The following PSPC1 variants were observed in gnomAD, a reference collection of about 807,000 sequenced individuals.
PSPC1 encodes the protein paraspeckle component 1.
A neutral mutation model predicts 51.6 loss-of-function variants in PSPC1; 14 were observed. The ratio of observed to expected loss-of-function variants is 0.27; its 90% confidence interval spans 0.18 to 0.42. PSPC1 has a LOEUF of 0.42. PSPC1 is among the 10% of genes least tolerant of loss of function. The pLI is 1.00. For missense variants in PSPC1, 406 were observed against 701.1 expected (o/e 0.58, Z 4.75); for synonymous variants, 193 against 231.9 (o/e 0.83, Z 1.53).
At chr13:19,751,913 C>A (rs1183862989) in intron 3 of PSPC1, among the ~76,000 whole-genome samples, 2 of 152,088 alleles carry the variant, frequency 1.3e-5, no homozygotes, top group Non-Finnish European at 2.9e-5. Flanking sequence ...AAAAAATTAG[C>A]CGGGCGTGGT....
chr13:19,757,226 G>A (rs1887176514), intron 3 of PSPC1, among the ~76,000 whole-genome samples: 1 of 151,900 alleles, frequency 6.6e-6, no homozygotes, highest in Admixed American at 6.6e-5. Flanking sequence ...TCTCACAACT[G>A]AGAAGGGTCC....
intron 8 of PSPC1, among the ~76,000 whole-genome samples, chr13:19,703,712 T>C (rs1880256180): frequency 6.6e-6 from 1 of 152,102 alleles, no homozygotes; most frequent in Non-Finnish European, 1.5e-5. Flanking sequence ...GAAACTACGC[T>C]ATGTAAGAAA....
intron 6 of PSPC1, among the ~76,000 whole-genome samples, chr13:19,724,778 C>T (rs1428205657): frequency 6.6e-6 from 1 of 152,110 alleles, no homozygotes; most frequent in Non-Finnish European, 1.5e-5. Context: ...GCGGGCGGAT[C>T]ACCTGAGGTC....
At chr13:19,707,722 TCTG>T (rs1386619249) in intron 7 of PSPC1, among the ~76,000 whole-genome samples, 7 of 152,212 alleles carry the variant, frequency 4.6e-5, no homozygotes, top group African/African-American at 1.7e-4. Context: ...TGATATTTCT[TCTG>T]ATAAAATTGC....
chr13:19,782,666 G>C lies in PSPC1; in HGVS notation c.92C>G (p.Pro31Arg). 6.4e-7 allele frequency: 1 copy of C among 1,552,462 alleles called. No individual in the cohort carries two copies. The highest frequency in any genetic ancestry group is 8.6e-7 in the Non-Finnish European group (1 of 1,159,508). The part of the protein sequence containing the change: ...ALESAVGESE[P>R]AAAAAMALAL... ...GAGCGCCATGGCTGCCGCGGCCGCC[G>C]GCTCGCTCTCGCCCACCGCGGACTC... Residue 31 changes from proline (P) to arginine (R), a missense_variant, in exon 1 of 9, where the codon CCG becomes CGG. Pro to Arg is a moderately radical substitution (Grantham distance 103). Around this residue, in one of 5 missense-constraint regions of PSPC1, gnomAD observed 128 missense variants for 107.1 expected, o/e 1.20. Coordinates refer to ENST00000338910, the MANE Select transcript of PSPC1 (RefSeq NM_001354909.2). This position sits in a 1 kb window ranked among gnomAD's most constrained non-coding sequence, Gnocchi z 4.5.
At chr13:19,686,087 C>T (rs1159856889) in intron 6 of PSPC1, among the ~76,000 whole-genome samples, 1 of 152,192 alleles carries the variant, frequency 6.6e-6, no homozygotes, top group African/African-American at 2.4e-5. Flanking sequence ...TTCTCGCTCT[C>T]CTCCACTCAA....
chr13:19,674,286 T>G (rs1188754716), downstream of PSPC1, among the ~76,000 whole-genome samples: 2 of 152,228 alleles, frequency 1.3e-5, no homozygotes, highest in African/African-American at 4.8e-5. Flanking sequence ...CTGATAATGT[T>G]GAATAACTAC....
At chr13:19,724,359 T>C (rs1190602511) in intron 6 of PSPC1, among the ~76,000 whole-genome samples, 1 of 152,182 alleles carries the variant, frequency 6.6e-6, no homozygotes, top group African/African-American at 2.4e-5. Flanking sequence ...TTTTCAGTTT[T>C]ACACGTGCCA....
intron 6 of PSPC1, among the ~76,000 whole-genome samples, chr13:19,718,082 AT>A (rs1387178397): frequency 6.6e-6 from 1 of 152,188 alleles, no homozygotes; most frequent in Admixed American, 6.5e-5. Flanking sequence ...AAGGAAAAAA[AT>A]ATACGTTTCT....
chr13:19,720,715 A>T (rs1882664333), intron 6 of PSPC1, among the ~76,000 whole-genome samples: 1 of 152,204 alleles, frequency 6.6e-6, no homozygotes, highest in Non-Finnish European at 1.5e-5. Context: ...ACAAGAATAA[A>T]TCAAATGAAG....
intron 6 of PSPC1, among the ~76,000 whole-genome samples, chr13:19,687,410 C>T (rs186457658): frequency 1.6e-4 from 25 of 152,204 alleles, no homozygotes; most frequent in African/African-American, 6.0e-4. Context: ...ATCTCAGCCC[C>T]CTAACCTATA....
At chr13:19,704,419 C>CT (rs1164807626) in intron 8 of PSPC1, among the ~76,000 whole-genome samples, 7 of 152,414 alleles carry the variant, frequency 4.6e-5, no homozygotes, top group Admixed American at 3.9e-4. Context: ...GCATTCAACT[C>CT]TAAGACATAC....
intron 3 of PSPC1, among the ~76,000 whole-genome samples, chr13:19,756,433 C>A (rs1441758437): frequency 6.6e-6 from 1 of 152,100 alleles, no homozygotes; most frequent in East Asian, 1.9e-4. Flanking sequence ...GAGGAAGAGT[C>A]AAGCAGGTTC....
chr13:19,754,181 T>C (rs1225715937), intron 3 of PSPC1, among the ~76,000 whole-genome samples: 2 of 151,922 alleles, frequency 1.3e-5, no homozygotes, highest in African/African-American at 4.8e-5. Context: ...GCCTCCTGGG[T>C]TCAAGCGATT....
intron 4 of PSPC1, among the ~76,000 whole-genome samples, chr13:19,750,693 G>C (rs531827926): frequency 6.6e-6 from 1 of 152,158 alleles, no homozygotes; most frequent in South Asian, 2.1e-4. Context: ...TTTGCCAAGA[G>C]AATCATGTAT....
At chr13:19,711,859 C>G (rs566886632) in intron 6 of PSPC1, among the ~76,000 whole-genome samples, 4 of 150,976 alleles carry the variant, frequency 2.6e-5, no homozygotes, top group East Asian at 3.9e-4. Context: ...AAAAAAAAAG[C>G]TAGACTGTAA....
chr13:19,713,879 G>C (rs1881761887), intron 6 of PSPC1, among the ~76,000 whole-genome samples: 1 of 152,160 alleles, frequency 6.6e-6, no homozygotes, highest in Non-Finnish European at 1.5e-5. Context: ...CTAAGATACA[G>C]TTAGTTATAG....
intron 3 of PSPC1, among the ~76,000 whole-genome samples, chr13:19,754,500 G>C (rs529593492): frequency 2.8e-5 from 4 of 144,666 alleles, no homozygotes; most frequent in African/African-American, 1.0e-4. Flanking sequence ...ACCCAGGCTG[G>C]AGTGCAGTGG....
Position 19,760,902 on chromosome 13 carries a change from C to T in PSPC1, c.675-1484G>A, listed in dbSNP as rs57897773. 9.3e-4 allele frequency among the ~76,000 whole-genome samples: 142 copies of T among 151,936 alleles called. 1 individual carries two copies. Among genetic ancestry groups the T allele is most frequent in the African/African-American group, 3.0e-3 (126 of 41,462 alleles). ...ACTTAGGAGGCTGAGGCAGGAGAAT[C>T]GCTTGAATCCGGGAGACGGAGGTTG... is the stretch of plus-strand genomic sequence containing the variant. On this transcript the variant is annotated intron_variant, in intron 2 of 8. Transcript: ENST00000338910.
Sources: allele counts gnomAD v4.1 joint callset (sites outside exome capture counted in the v4.1 genomes callset), GRCh38; gene constraint gnomAD v4.1.1; regional missense constraint gnomAD v4.1.1; non-coding constraint Gnocchi (gnomAD v3.1); transcripts MANE v1.5; gene names NCBI Gene and HGNC (gene_info 2026-07-23, HGNC 2026-07-21).